INO80D: variants seen among roughly 807,000 people sequenced by gnomAD.
INO80D encodes INO80 complex subunit D.
Under a neutral mutation model 87.6 loss-of-function variants are expected in INO80D, and 21 were observed. The ratio of observed to expected loss-of-function variants is 0.24; its 90% CI spans 0.17 to 0.35. The LOEUF is 0.35. Among genes scored for constraint, INO80D ranks in the 10% least tolerant of loss-of-function variants. The pLI, the probability that INO80D is intolerant of heterozygous loss-of-function variation, is 1.00. For missense variants in INO80D, 982 were observed against 1,280.7 expected, an observed-to-expected ratio of 0.77 and a Z score of 3.56; for synonymous variants, 440 against 491.0, an observed-to-expected ratio of 0.90 and a Z score of 1.37.
Position 206,028,324 on chromosome 2 carries a change from T to C in INO80D, c.1085A>G (p.Asp362Gly), listed in dbSNP as rs755287736. ...LRYQRHASDD[D>G]DAESRSSRVT... ...CCTGGAGCTCCTACTCTCCGCATCA[T>C]CATCATCTGACCTGGAAAGTGCAGG... The change falls in exon 6 of 11, where the codon GAT (aspartate) becomes GGT (glycine). Residue 362 changes from aspartate to glycine, a missense_variant. Transcript: ENST00000403263. 3.7e-5 allele frequency: 59 copies of C among 1,596,638 alleles called. No individual in the cohort carries two copies. Among genetic ancestry groups the C allele is most frequent in the Non-Finnish European group, 2.6e-6 (3 of 1,166,554 alleles).
chr2:206,030,584 CAG>C lies in INO80D; in HGVS notation c.1074-2251_1074-2250del, dbSNP rs1256928312. ...CACGTAAGCCAAGACACACAAGACA[CAG>C]AGATAGACAGGATGGTGAACAGCAA... On this transcript the variant is annotated intron_variant, in intron 5 of 10. Coordinates refer to ENST00000403263, the MANE Select transcript of INO80D (RefSeq NM_017759.5). Among the ~76,000 whole-genome samples, 3 of 151,992 alleles carry C rather than the reference CAG, an allele frequency of 2.0e-5. No individual in the cohort carries two copies. The East Asian group carries it at 5.8e-4, about 29-fold the overall frequency.
chr2:206,040,042 C>T (rs1181352548), intron 5 of INO80D, among the ~76,000 whole-genome samples: 1 of 151,714 alleles, frequency 6.6e-6, no homozygotes. Flanking sequence ...CCTGTAATCC[C>T]AGCACTTTGG....
intron 1 of INO80D, among the ~76,000 whole-genome samples, chr2:206,071,021 G>GATCTCAGCTCACTGCA (rs1189582863): frequency 1.3e-5 from 2 of 151,202 alleles, no homozygotes; most frequent in Non-Finnish European, 2.9e-5. Context: ...GCAATGGCAC[G>GATCTCAGCTCACTGCA]ATCTCAGCTC....
chr2:206,059,493 C>T (rs1462328748), intron 3 of INO80D, among the ~76,000 whole-genome samples: 1 of 152,172 alleles, frequency 6.6e-6, no homozygotes. Context: ...AAATGTCAAT[C>T]CTCAAATTCA....
At chr2:206,009,455 G>T in intron 9 of INO80D, 122 bp downstream of exon 9, 1 of 761,072 alleles carries the variant, frequency 1.3e-6, no homozygotes, top group Non-Finnish European at 2.1e-6. Flanking sequence ...AAAAAATCTA[G>T]GCTGATATAC....
In INO80D at chr2:206,058,728, G is replaced by A. The variant is rs890119394; in HGVS notation, c.219-1785C>T. 7.2e-5 allele frequency among the ~76,000 whole-genome samples: 11 copies of A among 151,854 alleles called. No individual in the cohort carries two copies. The East Asian group carries it at 1.7e-3, about 24-fold the overall frequency. On this transcript the variant is annotated intron_variant, in intron 3 of 10. Transcript: ENST00000403263. ...CAGCCTGAGAGACAGAGCAAGACTC[G>A]TCTCAAAAAACAAACAACAAAAAAA...
At chr2:206,013,527 G>A (rs1688235243) in intron 8 of INO80D, among the ~76,000 whole-genome samples, 1 of 150,722 alleles carries the variant, frequency 6.6e-6, no homozygotes, top group African/African-American at 2.4e-5. Context: ...ACTCCAGCCT[G>A]GGTGATAAAG....
chr2:206,060,474 G>A (rs1170663216), intron 3 of INO80D, among the ~76,000 whole-genome samples: 3 of 150,894 alleles, frequency 2.0e-5, no homozygotes, highest in Non-Finnish European at 4.4e-5. Context: ...AGAGGTTGCA[G>A]TGAGCCAAGA....
At chr2:206,083,786 TCTC>T (rs1690349710) in intron 1 of INO80D, among the ~76,000 whole-genome samples, 1 of 143,396 alleles carries the variant, frequency 7.0e-6, no homozygotes, top group South Asian at 2.1e-4. Flanking sequence ...ATGTGGGACA[TCTC>T]CTGCCAGCAA....
intron 6 of INO80D, among the ~76,000 whole-genome samples, chr2:206,026,056 C>A (rs1473604351): frequency 6.6e-6 from 1 of 151,980 alleles, no homozygotes; most frequent in Admixed American, 6.6e-5. Context: ...CGCCACCACA[C>A]CTGGCTAATT....
intron 6 of INO80D, among the ~76,000 whole-genome samples, chr2:206,024,027 T>C (rs1688537701): frequency 6.6e-6 from 1 of 152,204 alleles, no homozygotes; most frequent in African/African-American, 2.4e-5. Flanking sequence ...GAATAATATA[T>C]TGGACTCAGC....
At chr2:206,025,528 C>CAAAAA (rs71410856) in intron 6 of INO80D, 5 of 54,530 alleles carry the variant, frequency 9.2e-5, no homozygotes, top group African/African-American at 3.5e-4. Context: ...AACTCCATCT[C>CAAAAA]AAAAAAAAAA....
chr2:206,037,748 G>A (rs928712751), intron 5 of INO80D, among the ~76,000 whole-genome samples: 7 of 152,252 alleles, frequency 4.6e-5, no homozygotes, highest in Admixed American at 3.3e-4. Flanking sequence ...AGGAAAGTAA[G>A]TCAATGTATC....
At chr2:206,046,820 C>T (rs184180395) in intron 4 of INO80D, among the ~76,000 whole-genome samples, 2,195 of 152,294 alleles carry the variant, frequency 0.014, 34 homozygotes, top group Non-Finnish European at 0.022. Flanking sequence ...CTCACTCTGT[C>T]ACCCAGGCTG....
chr2:205,998,751 G>A lies in INO80D; in HGVS notation c.*5617C>T, dbSNP rs895700943. On this transcript the variant is annotated 3_prime_UTR_variant, in exon 11 of 11. Coordinates refer to ENST00000403263, the MANE Select transcript of INO80D (RefSeq NM_017759.5). ...AAAAGTCCTATGCAAGACACTGTGG[G>A]CTACAAAACCAAATGTTTCCTCTTT... 8 of 152,154 alleles carry A rather than the reference G, an allele frequency of 5.3e-5. No individual in the cohort carries two copies. The highest frequency in any genetic ancestry group is 1.9e-4 in the African/African-American group (8 of 41,446). The allele number at this position is 152,154 out of a possible 1,614,324, so 9.4% of individuals were successfully genotyped here.
In INO80D at chr2:205,994,113, G is replaced by A. The variant is rs1575778576; in HGVS notation, c.*10255C>T. 1 of 152,224 alleles carries A rather than the reference G, an allele frequency of 6.6e-6. No individual in the cohort carries two copies. The highest frequency in any genetic ancestry group is 1.5e-5 in the Non-Finnish European group (1 of 68,008). The allele number at this position is 152,224 out of a possible 1,614,324, so 9.4% of individuals were successfully genotyped here. On this transcript the variant is annotated 3_prime_UTR_variant, in exon 11 of 11. Coordinates refer to ENST00000403263, the MANE Select transcript of INO80D (RefSeq NM_017759.5). ...CAAGTATGCCTGTCCACCAGAACTG[G>A]GGGCTCTTACCAAAACCTGCCCATC...
Position 206,017,623 on chromosome 2 carries a change from ATACT to A in INO80D, c.1542+53_1542+56del, listed in dbSNP as rs1688352978. The A allele has an allele frequency of 3.6e-6, 5 of 1,393,672 alleles. No individual in the cohort carries two copies. In the African/African-American group the frequency reaches 5.8e-5, roughly 16 times the overall value. 86.3% of individuals were successfully genotyped at this position (1,393,672 alleles called of 1,614,324 possible). A position where few individuals can be genotyped will look rare whatever the true frequency, so the allele number is the denominator to read the frequency against. ...TACATAGTTTGTGCTAAGTTATAAA[ATACT>A]TCCTACAGTGGATAGCTACAAAAAG... On this transcript the variant is annotated intron_variant, in intron 8 of 10. Transcript: ENST00000403263.
Position 206,000,129 on chromosome 2 carries a change from T to C in INO80D, c.*4239A>G, listed in dbSNP as rs570224160. 18 of 152,254 alleles carry C rather than the reference T, an allele frequency of 1.2e-4. No individual in the cohort carries two copies. The South Asian group carries it at 3.7e-3, about 32-fold the overall frequency. The allele number at this position is 152,254 out of a possible 1,614,324, so 9.4% of individuals were successfully genotyped here. On this transcript the variant is annotated 3_prime_UTR_variant, in exon 11 of 11. Transcript: ENST00000403263. ...TGCCTCATTAAACTGGAGAGTTCTGTTGACCATTTAGAAGACCATAATATT... is the reference window on the plus strand; with the variant it reads ...TGCCTCATTAAACTGGAGAGTTCTGCTGACCATTTAGAAGACCATAATATT...
chr2:206,015,583 A>G (rs1688296211), intron 8 of INO80D, among the ~76,000 whole-genome samples: 1 of 152,292 alleles, frequency 6.6e-6, no homozygotes, highest in Admixed American at 6.5e-5. Flanking sequence ...TAGAATACAG[A>G]AGATGTATAG....
Sources: gnomAD v4.1 joint callset for allele counts (sites outside exome capture counted in the v4.1 genomes callset) on GRCh38, gnomAD v4.1.1 for gene constraint, MANE v1.5 for transcripts, NCBI Gene and HGNC (gene_info 2026-07-23, HGNC 2026-07-21) for gene names.